Variants in DNAH8 observed in about 807,000 individuals in gnomAD.
DNAH8 encodes axonemal beta dynein heavy chain 8.
Under a neutral mutation model 562.1 loss-of-function variants are expected in DNAH8, and 382 were observed. The ratio of observed to expected loss-of-function variants is 0.68; its 90% CI spans 0.63 to 0.74. The LOEUF (loss-of-function observed/expected upper bound fraction) is 0.74. Ranked by LOEUF, DNAH8 falls within the 30% of genes least tolerant of loss-of-function variation. DNAH8 has a pLI of 0.00. For missense variants in DNAH8, 5,203 were observed against 5,620.4 expected (o/e 0.93, Z 2.37); for synonymous variants, 1,881 against 1,919.4 (o/e 0.98, Z 0.52).
chr6:38,992,353 G>T (rs888360999), intron 88 of DNAH8, among the ~76,000 whole-genome samples: 1 of 152,188 alleles, frequency 6.6e-6, no homozygotes, highest in Non-Finnish European at 1.5e-5. Context: ...AAACTTTTGT[G>T]TGTGTTTTCA....
At chr6:38,912,900 C>A (rs530511271) in intron 66 of DNAH8, among the ~76,000 whole-genome samples, 123 of 152,164 alleles carry the variant, frequency 8.1e-4, no homozygotes, top group African/African-American at 2.8e-3. Context: ...ACCTCTGCCT[C>A]CCAGGTTCAA....
intron 82 of DNAH8, among the ~76,000 whole-genome samples, chr6:38,968,857 A>C (rs892788544): frequency 6.6e-6 from 1 of 152,214 alleles, no homozygotes; most frequent in East Asian, 1.9e-4. Context: ...AGCATTACTC[A>C]TACTAGCTAA....
At chr6:38,989,267 G>A (rs1296723160) in intron 87 of DNAH8, among the ~76,000 whole-genome samples, 1 of 152,156 alleles carries the variant, frequency 6.6e-6, no homozygotes, top group Non-Finnish European at 1.5e-5. Flanking sequence ...TTCCCCACTG[G>A]GAAAATTGCT....
intron 65 of DNAH8, among the ~76,000 whole-genome samples, chr6:38,910,628 G>C (rs148981656): frequency 6.6e-6 from 1 of 152,044 alleles, no homozygotes; most frequent in African/African-American, 2.4e-5. Flanking sequence ...TTTTACCTTT[G>C]TGCAGCTACA....
At chr6:38,818,966 C>T (rs950165521) in intron 26 of DNAH8, among the ~76,000 whole-genome samples, 1 of 152,188 alleles carries the variant, frequency 6.6e-6, no homozygotes, top group African/African-American at 2.4e-5. Flanking sequence ...ACTATCCTGG[C>T]CATTTTCTTG....
chr6:39,027,982 G>A (rs1021149035), intron 92 of DNAH8, among the ~76,000 whole-genome samples: 7 of 152,080 alleles, frequency 4.6e-5, no homozygotes, highest in African/African-American at 1.7e-4. Flanking sequence ...TAAGGGGGCT[G>A]GACCAGATGA....
At position 38,853,358 on chromosome 6, in the gene DNAH8, A is replaced by G. The variant is rs7750162; in HGVS notation, c.5733+11A>G. 1.9e-3 allele frequency: 3,075 copies of G among 1,608,956 alleles called. 41 individuals carry two copies. The African/African-American group carries it at 0.034, about 18-fold the overall frequency. On this transcript the variant is annotated intron_variant, in intron 41 of 92. Transcript: ENST00000327475. ...CACTTTCCAGCACAGGTGAGAATACACAATGCTTAAGTAATGGTGAAAAGA... is the reference window on the plus strand; with the variant it reads ...CACTTTCCAGCACAGGTGAGAATACGCAATGCTTAAGTAATGGTGAAAAGA...
intron 89 of DNAH8, among the ~76,000 whole-genome samples, chr6:39,010,058 G>T (rs1304177537): frequency 2.0e-5 from 3 of 152,168 alleles, no homozygotes; most frequent in Non-Finnish European, 4.4e-5. Flanking sequence ...CAGGGGAAAG[G>T]TTCAAGACCT....
At chr6:38,822,731 G>T in intron 26 of DNAH8, 107 bp from the exon 27 acceptor site, 1 of 867,870 alleles carries the variant, frequency 1.2e-6, no homozygotes, top group Non-Finnish European at 1.7e-6. Context: ...CTTGGAGGGA[G>T]AATCTTTAAG....
intron 21 of DNAH8, among the ~76,000 whole-genome samples, chr6:38,800,594 G>T (rs999136751): frequency 3.3e-5 from 5 of 152,138 alleles, no homozygotes; most frequent in Non-Finnish European, 7.4e-5. Context: ...TTGGCTCACT[G>T]CAACCTCTGC....
chr6:38,737,086 T>G lies in DNAH8; in HGVS notation c.782T>G (p.Leu261Arg). The G allele has an allele frequency of 6.4e-7, 1 of 1,564,502 alleles. No homozygotes were observed. The highest frequency in any genetic ancestry group is 8.6e-7 in the Non-Finnish European group (1 of 1,162,102). The change falls in exon 6 of 93, where the codon CTG (leucine) becomes CGG (arginine). Residue 261 changes from leucine (L) to arginine (R), a missense_variant. By Grantham distance (102) the Leu-to-Arg change is moderately radical (BLOSUM62 -2). Around this residue, in one of 6 missense-constraint regions of DNAH8, gnomAD observed 556 missense variants for 496.9 expected, o/e 1.12. Coordinates refer to ENST00000327475, the MANE Select transcript of DNAH8 (RefSeq NM_001206927.2). ...TTTCAGGAAGCGCTCTTTACTGTTC[T>G]GGATGCGTCGAAAGGACTCTTAAAT... Reference protein sequence around the residue: ...TIQEEALFTVLDASKGLLNGI... With the variant: ...TIQEEALFTVRDASKGLLNGI...
At chr6:38,721,128 A>G (rs888785660) in intron 1 of DNAH8, among the ~76,000 whole-genome samples, 2 of 152,174 alleles carry the variant, frequency 1.3e-5, no homozygotes, top group Non-Finnish European at 2.9e-5. Context: ...TCTGAGCAAC[A>G]GAGTGAAACC....
intron 28 of DNAH8, among the ~76,000 whole-genome samples, chr6:38,824,598 A>T (rs1268173089): frequency 6.6e-6 from 1 of 152,148 alleles, no homozygotes; most frequent in African/African-American, 2.4e-5. Flanking sequence ...TACATCCATT[A>T]TCCACCTTAA....
chr6:38,839,504 C>T (rs1474014219), intron 33 of DNAH8, among the ~76,000 whole-genome samples: 1 of 151,800 alleles, frequency 6.6e-6, no homozygotes, highest in Non-Finnish European at 1.5e-5. Context: ...TAGGTGCATA[C>T]CACTGGGCCC....
intron 11 of DNAH8, among the ~76,000 whole-genome samples, chr6:38,762,103 C>T (rs1766582013): frequency 6.6e-6 from 1 of 152,022 alleles, no homozygotes; most frequent in Non-Finnish European, 1.5e-5. Flanking sequence ...CCTTTTTTTG[C>T]ATTGGTTAGG....
At chr6:38,836,422 G>A (rs891208863) in intron 32 of DNAH8, among the ~76,000 whole-genome samples, 1 of 144,856 alleles carries the variant, frequency 6.9e-6, no homozygotes, top group Non-Finnish European at 1.5e-5. Context: ...ACTCCAGCCT[G>A]GGCAAGAGAG....
intron 80 of DNAH8, 37 bp downstream of exon 80, chr6:38,945,625 G>C (rs2150616078): frequency 6.2e-7 from 1 of 1,611,632 alleles, no homozygotes; most frequent in Non-Finnish European, 8.5e-7. Context: ...GTGCAGATCT[G>C]CAAACCCAAA....
At chr6:38,786,046 G>A (rs528059679) in intron 17 of DNAH8, among the ~76,000 whole-genome samples, 1 of 152,296 alleles carries the variant, frequency 6.6e-6, no homozygotes, top group African/African-American at 2.4e-5. Flanking sequence ...ACTAGCACAT[G>A]CTTGTCTATA....
chr6:38,917,397 G>A lies in DNAH8; in HGVS notation c.10299G>A (p.Glu3433=), dbSNP rs1215778387. 1.9e-6 allele frequency: 3 copies of A among 1,612,626 alleles called. No homozygotes were observed. The highest frequency in any genetic ancestry group is 3.3e-5 in the Admixed American group (2 of 59,876). ...EKSCCKPSWG[E]SLKLMSATGF... The stretch of plus-strand genomic sequence containing the variant: ...CTTGCTGTAAGCCATCATGGGGAGA[G>A]TCATTAAAGGTAAGTAAAATCTATC... Residue 3433 remains glutamate, a synonymous_variant, in exon 69 of 93, where the codon GAG becomes GAA. Transcript: ENST00000327475.
Sources: allele counts gnomAD v4.1 joint callset (sites outside exome capture counted in the v4.1 genomes callset), GRCh38; gene constraint gnomAD v4.1.1; regional missense constraint gnomAD v4.1.1; transcripts MANE v1.5; gene names NCBI Gene and HGNC (gene_info 2026-07-23, HGNC 2026-07-21).